TMEM132E: variants seen among roughly 807,000 people sequenced by gnomAD.
The protein encoded by TMEM132E is transmembrane protein 132E.
TMEM132E carries 49 observed loss-of-function variants against 78.5 expected under a neutral mutation model. That is an observed-to-expected ratio of 0.62 (90% CI 0.50 to 0.79). The LOEUF is 0.79. Among genes scored for constraint, TMEM132E ranks in the 30% least tolerant of loss-of-function variants. The pLI is 0.00. For missense variants in TMEM132E, 1,403 were observed against 1,470.9 expected (o/e 0.95, Z 0.75); for synonymous variants, 715 against 670.6 (o/e 1.07, Z -1.02).
chr17:34,583,153 C>T (rs758171746), intron 1 of TMEM132E, among the ~76,000 whole-genome samples: 4 of 152,228 alleles, frequency 2.6e-5, no homozygotes, highest in Non-Finnish European at 4.4e-5. Flanking sequence ...TGGGCTTATT[C>T]CCTGTCTCTC....
chr17:34,581,184 G>C, intron 1 of TMEM132E, 41 bp downstream of exon 1: 4 of 1,483,828 alleles, frequency 2.7e-6, no homozygotes, highest in Non-Finnish European at 8.9e-7. Flanking sequence ...GATGCGGCAG[G>C]CGCCACTGGA....
rs114855410 is a variant in TMEM132E, at chr17:34,598,885, C to T, written c.67+17742C>T. 9.6e-3 allele frequency among the ~76,000 whole-genome samples: 1,457 copies of T among 152,256 alleles called. 21 individuals are homozygous for T. The highest frequency in any genetic ancestry group is 0.033 in the African/African-American group (1,374 of 41,530). On this transcript the variant is annotated intron_variant, in intron 1 of 8. Coordinates refer to ENST00000631683, the MANE Select transcript of TMEM132E (RefSeq NM_001304438.2). ...TGAACTACAGCACTCTTGATTGTCC[C>T]GCCAGAAGAGATGCTGAGCGATCCA...
chr17:34,626,784 C>CG lies in TMEM132E; in HGVS notation c.731dup (p.Cys245LeufsTer152), dbSNP rs1290756498. ...TACACGCTCCACGCCCCTGATGCGT[C>CG]GGGGGGCTGCGGGGGCTCCCGCCGG... On this transcript the variant is annotated frameshift_variant, in exon 2 of 9. Transcript: ENST00000631683. LOFTEE classifies it high-confidence loss of function. The CG allele has an allele frequency of 3.4e-6, 5 of 1,491,508 alleles. No individual in the cohort carries two copies. Among genetic ancestry groups the CG allele is most frequent in the African/African-American group, 1.4e-5 (1 of 72,152 alleles). 92.4% of individuals were successfully genotyped at this position (1,491,508 alleles called of 1,614,324 possible).
At chr17:34,603,186 CCCTG>C (rs1906294710) in intron 1 of TMEM132E, among the ~76,000 whole-genome samples, 1 of 152,108 alleles carries the variant, frequency 6.6e-6, no homozygotes, top group African/African-American at 2.4e-5. Flanking sequence ...ACAGAGGAGA[CCCTG>C]ACCTCGTAGC....
intron 7 of TMEM132E, among the ~76,000 whole-genome samples, 172 bp downstream of exon 7, chr17:34,635,259 T>C (rs1463768577): frequency 6.6e-6 from 1 of 152,170 alleles, no homozygotes. Context: ...TTGGTAAAAG[T>C]TCTCACTCCA....
At chr17:34,635,883 C>T (rs1369442907) in intron 7 of TMEM132E, 124 bp from the exon 8 acceptor site, 6 of 1,022,958 alleles carry the variant, frequency 5.9e-6, no homozygotes, top group Non-Finnish European at 3.9e-6. Flanking sequence ...AGTCCTGCCT[C>T]CCAGCCTGCC....
intron 1 of TMEM132E, among the ~76,000 whole-genome samples, chr17:34,593,204 C>A (rs375802517): frequency 2.0e-5 from 3 of 150,672 alleles, no homozygotes; most frequent in Non-Finnish European, 4.4e-5. Context: ...ACCAGGAGTT[C>A]GAGACCACCC....
Position 34,627,070 on chromosome 17 carries a change from A to T in TMEM132E, c.998+13A>T. 7.4e-7 allele frequency: 1 copy of T among 1,358,224 alleles called. No individual in the cohort carries two copies. Among genetic ancestry groups the T allele is most frequent in the South Asian group, 1.1e-5 (1 of 87,674 alleles). 84.1% of individuals were successfully genotyped at this position (1,358,224 alleles called of 1,614,324 possible). The stretch of plus-strand genomic sequence containing the variant: ...ACTTCACACTCAGGTAGTAGGGAAG[A>T]TGGGTGGGGATCTGGTTTCCCTTCC... On this transcript the variant is annotated intron_variant, in intron 2 of 8. Coordinates refer to ENST00000631683, the MANE Select transcript of TMEM132E (RefSeq NM_001304438.2).
intron 1 of TMEM132E, among the ~76,000 whole-genome samples, chr17:34,600,366 A>G (rs915141255): frequency 5.9e-5 from 9 of 151,996 alleles, no homozygotes; most frequent in African/African-American, 2.4e-5. Context: ...CCAAGCTCTA[A>G]TAGCTAATTT....
At chr17:34,606,030 G>C (rs1906403390) in intron 1 of TMEM132E, among the ~76,000 whole-genome samples, 1 of 152,202 alleles carries the variant, frequency 6.6e-6, no homozygotes. Context: ...GCCGGGTCAT[G>C]CTATTCCAGA....
intron 1 of TMEM132E, among the ~76,000 whole-genome samples, chr17:34,581,348 A>C (rs1905473940): frequency 7.1e-6 from 1 of 140,602 alleles, no homozygotes; most frequent in Non-Finnish European, 1.6e-5. Flanking sequence ...CGGCGCCAGA[A>C]AAGGGTGGGG....
rs1260093212 is a variant in TMEM132E, at chr17:34,638,484, C to T, written c.*252C>T. On this transcript the variant is annotated 3_prime_UTR_variant, in exon 9 of 9. Transcript: ENST00000631683. ...AGTGGCTCGTAAGGAGGAAAGCAAC[C>T]CCAGCCTCTGTTCTGCCCTTTCCAA... 4.7e-5 allele frequency: 21 copies of T among 450,540 alleles called. No homozygotes were observed. Among genetic ancestry groups the T allele is most frequent in the Non-Finnish European group, 7.7e-5 (20 of 258,260 alleles). 27.9% of individuals were successfully genotyped at this position (450,540 alleles called of 1,614,324 possible). A position where few individuals can be genotyped will look rare whatever the true frequency, so the allele number is the denominator to read the frequency against.
Position 34,636,225 on chromosome 17 carries a change from AG to A in TMEM132E, c.2169+30del, listed in dbSNP as rs944980324. 2.8e-6 allele frequency: 4 copies of A among 1,432,938 alleles called. No homozygotes were observed. The African/African-American group carries it at 5.9e-5, about 21-fold the overall frequency. The allele number at this position is 1,432,938 out of a possible 1,614,324, so 88.8% of individuals were successfully genotyped here. ...TAACTGGCTCCTTGGCCCACCAGCC[AG>A]GGAGTTGGTGGTATGGAAGGAGAAC... On this transcript the variant is annotated intron_variant, in intron 8 of 8. Coordinates refer to ENST00000631683, the MANE Select transcript of TMEM132E (RefSeq NM_001304438.2).
intron 1 of TMEM132E, among the ~76,000 whole-genome samples, chr17:34,586,510 C>A (rs961759253): frequency 1.3e-5 from 2 of 151,958 alleles, no homozygotes; most frequent in Admixed American, 6.5e-5. Flanking sequence ...AAAGGGGGGA[C>A]TGAGACAAGT....
chr17:34,582,160 GGGC>G (rs1329043125), intron 1 of TMEM132E, among the ~76,000 whole-genome samples: 17 of 151,770 alleles, frequency 1.1e-4, no homozygotes, highest in African/African-American at 4.1e-4. Context: ...CGGGGTTGGG[GGGC>G]GGGGGTGTTT....
chr17:34,626,050 C>A (rs1280405027), intron 1 of TMEM132E, 77 bp from the exon 2 acceptor site: 1 of 1,341,104 alleles, frequency 7.5e-7, no homozygotes, highest in Admixed American at 2.9e-5. Context: ...GTGGGAGAGA[C>A]GAGCCTGGGG....
At chr17:34,601,577 C>T (rs954127612) in intron 1 of TMEM132E, among the ~76,000 whole-genome samples, 16 of 152,222 alleles carry the variant, frequency 1.1e-4, no homozygotes, top group African/African-American at 3.4e-4. Context: ...AGGGGGCTGT[C>T]CCTGACCACA....
Position 34,629,997 on chromosome 17 carries a change from C to T in TMEM132E, c.1339-11C>T, listed in dbSNP as rs774206776. 6.3e-7 allele frequency: 1 copy of T among 1,592,680 alleles called. No homozygotes were observed. Among genetic ancestry groups the T allele is most frequent in the Admixed American group, 1.7e-5 (1 of 59,392 alleles). ...ACCACAAGTAGAGCCCCCCCCTTCT[C>T]CTCCCTGCAGGACACAGAGATCATC... On this transcript the variant is annotated splice_polypyrimidine_tract_variant and intron_variant, in intron 4 of 8. Transcript: ENST00000631683.
At chr17:34,617,276 TGGGCCAAATTCTA>T (rs1017216513) in intron 1 of TMEM132E, among the ~76,000 whole-genome samples, 21 of 152,256 alleles carry the variant, frequency 1.4e-4, no homozygotes, top group African/African-American at 5.1e-4. Context: ...CAGAGCTTTC[TGGGCCAAATTCTA>T]GGGCCCCTCA....
Sources: allele counts gnomAD v4.1 joint callset (sites outside exome capture counted in the v4.1 genomes callset), GRCh38; gene constraint gnomAD v4.1.1; transcripts MANE v1.5; gene names NCBI Gene and HGNC (gene_info 2026-07-23, HGNC 2026-07-21).